The following RYR3 variants were observed in gnomAD, a reference collection of about 807,000 sequenced individuals.
RYR3 encodes ryanodine receptor 3.
In RYR3, 207 loss-of-function variants were observed where a neutral mutation model predicts 584.3. That is an observed-to-expected ratio of 0.35 (90% CI 0.32 to 0.40). RYR3 has a LOEUF of 0.40. Among genes scored for constraint, RYR3 ranks in the 10% least tolerant of loss-of-function variants. The probability of loss-of-function intolerance (pLI) is 1.00; values close to 1 mark genes in which losing one functional copy is unlikely to be tolerated. For missense variants in RYR3, 5,616 were observed against 6,089.2 expected, an observed-to-expected ratio of 0.92 and a Z score of 2.59; for synonymous variants, 2,416 against 2,248.5, an observed-to-expected ratio of 1.07 and a Z score of -2.11.
intron 47 of RYR3, 69 bp downstream of exon 47, chr15:33,729,095 G>A: frequency 7.4e-7 from 1 of 1,351,578 alleles, no homozygotes; most frequent in Non-Finnish European, 1.0e-6. Context: ...GGACTTCGAA[G>A]CAAATATTTT....
intron 3 of RYR3, among the ~76,000 whole-genome samples, chr15:33,522,542 G>A (rs768374525): frequency 7.2e-5 from 11 of 152,176 alleles, no homozygotes; most frequent in Non-Finnish European, 1.0e-4. Flanking sequence ...TCAAAAGAAC[G>A]ATACCTTATG....
intron 38 of RYR3, among the ~76,000 whole-genome samples, chr15:33,671,141 C>T (rs887380428): frequency 2.6e-5 from 4 of 152,074 alleles, no homozygotes; most frequent in East Asian, 3.9e-4. Flanking sequence ...TGACTCCTAC[C>T]GTTTTGACCC....
rs1341551607 is a variant in RYR3 at position 33,631,256 on chromosome 15, G to C, written c.2830G>C (p.Ala944Pro). 2 of 1,591,216 alleles carry C rather than the reference G, an allele frequency of 1.3e-6. No homozygotes were observed. The highest frequency in any genetic ancestry group is 4.5e-5 in the East Asian group (2 of 44,166). Residue 944 changes from alanine to proline, a missense_variant, in exon 23 of 104, where the codon GCT (alanine) becomes CCT (proline). By Grantham distance (27) the Ala-to-Pro change is conservative (BLOSUM62 -1). Around this residue, in one of 9 missense-constraint regions of RYR3, gnomAD observed 1,284 missense variants for 1,344.6 expected, o/e 0.95. Coordinates refer to ENST00000634891, the MANE Select transcript of RYR3 (RefSeq NM_001036.6). ...CCACATTGCTCATGTTAACCCAGCT[G>C]CTGAGGAGGATCTCAAGAAGGTCAA... ...GCHIAHVNPA[A>P]EEDLKKVKLP...
chr15:33,838,425 G>A lies in RYR3; in HGVS notation c.12445G>A (p.Val4149Met). Residue 4149 changes from valine to methionine, a missense_variant, in exon 89 of 104, where the codon GTG (valine) becomes ATG (methionine). Val to Met is a conservative substitution (Grantham distance 21). Around this residue, in one of 9 missense-constraint regions of RYR3, gnomAD observed 918 missense variants for 887.4 expected, o/e 1.03. Transcript: ENST00000634891. Reference sequence around the variant, plus strand: ...TGCATTTGCTATGGCCTGTGCCTCTGTGAAGAGGAATGTCACCGACTTCCT... The same window carrying A: ...TGCATTTGCTATGGCCTGTGCCTCTATGAAGAGGAATGTCACCGACTTCCT... ...ASAFAMACAS[V>M]KRNVTDFLKR... 1.2e-6 allele frequency: 2 copies of A among 1,614,032 alleles called. No individual in the cohort carries two copies. Among genetic ancestry groups the A allele is most frequent in the Non-Finnish European group, 1.7e-6 (2 of 1,179,902 alleles).
intron 43 of RYR3, among the ~76,000 whole-genome samples, chr15:33,709,354 T>G (rs2066936053): frequency 6.6e-6 from 1 of 152,182 alleles, no homozygotes; most frequent in South Asian, 2.1e-4. Flanking sequence ...AGATAAGCTT[T>G]GAAAGGTCAA....
At chr15:33,377,500 T>C (rs2040839943) in intron 1 of RYR3, among the ~76,000 whole-genome samples, 1 of 152,202 alleles carries the variant, frequency 6.6e-6, no homozygotes, top group South Asian at 2.1e-4. Flanking sequence ...CTGGGAAATG[T>C]AGTCTTTGAT....
intron 1 of RYR3, among the ~76,000 whole-genome samples, chr15:33,365,782 G>A (rs971765455): frequency 3.3e-5 from 5 of 152,186 alleles, no homozygotes; most frequent in African/African-American, 9.7e-5. Flanking sequence ...TGGCCTTGGT[G>A]GTGGTGATGG....
intron 34 of RYR3, 34 bp downstream of exon 34, chr15:33,660,457 C>T: frequency 6.9e-7 from 1 of 1,453,584 alleles, no homozygotes; most frequent in South Asian, 1.3e-5. Context: ...AGGGGCAGGC[C>T]TGAGGGGCAG....
At chr15:33,762,057 AC>A (rs1455282257) in intron 60 of RYR3, among the ~76,000 whole-genome samples, 2 of 152,084 alleles carry the variant, frequency 1.3e-5, no homozygotes, top group Non-Finnish European at 2.9e-5. Context: ...AAAATTCAAC[AC>A]CCCTTCATGC....
intron 99 of RYR3, 29 bp from the exon 100 acceptor site, chr15:33,859,546 C>T (rs757264382): frequency 1.9e-6 from 3 of 1,612,740 alleles, no homozygotes; most frequent in South Asian, 2.2e-5. Flanking sequence ...GTGACTTTTG[C>T]CTAAATCCCC....
intron 12 of RYR3, among the ~76,000 whole-genome samples, chr15:33,574,911 C>T (rs984780427): frequency 6.6e-6 from 1 of 151,980 alleles, no homozygotes; most frequent in African/African-American, 2.4e-5. Context: ...CATGCATAAG[C>T]TTGAAATAAA....
intron 3 of RYR3, among the ~76,000 whole-genome samples, chr15:33,522,507 C>G (rs779653056): frequency 7.9e-5 from 12 of 152,108 alleles, no homozygotes; most frequent in Non-Finnish European, 1.6e-4. Flanking sequence ...ATTAATTACC[C>G]CATTATGAGT....
intron 1 of RYR3, among the ~76,000 whole-genome samples, chr15:33,464,493 CATATATATAT>C (rs761907118): frequency 0.14 from 15,162 of 107,276 alleles, 1,594 homozygotes; most frequent in Middle Eastern, 0.18. Context: ...TATATATACA[CATATATATAT>C]ACATACACAT....
intron 67 of RYR3, among the ~76,000 whole-genome samples, chr15:33,793,418 C>T (rs1209344332): frequency 6.6e-6 from 1 of 152,176 alleles, no homozygotes; most frequent in Non-Finnish European, 1.5e-5. Flanking sequence ...TTCCAACCCT[C>T]TTACCATGTG....
intron 3 of RYR3, among the ~76,000 whole-genome samples, chr15:33,522,216 T>C (rs1220156442): frequency 6.6e-6 from 1 of 151,710 alleles, no homozygotes; most frequent in Non-Finnish European, 1.5e-5. Context: ...TGAGCTGGGA[T>C]TGCACCACTG....
chr15:33,764,599 TCTGTCC>T (rs2072841317), intron 60 of RYR3, among the ~76,000 whole-genome samples: 1 of 150,676 alleles, frequency 6.6e-6, no homozygotes, highest in Non-Finnish European at 1.5e-5. Flanking sequence ...AAAATGAGCA[TCTGTCC>T]TGTGACAACA....
Position 33,652,793 on chromosome 15 carries a change from C to T in RYR3, c.4218C>T (p.Asn1406=), listed in dbSNP as rs754248995. Residue 1406 remains asparagine, a synonymous_variant, in exon 32 of 104, where the codon AAC becomes AAT. Transcript: ENST00000634891. The part of the protein sequence containing the change: ...VASSQRSNRS[N]VDLEIGCLVD... Reference sequence around the variant, plus strand: ...GTTCCCAGAGATCAAATCGGAGCAACGTGGACCTGGAGATCGGCTGTCTCG... The same window carrying T: ...GTTCCCAGAGATCAAATCGGAGCAATGTGGACCTGGAGATCGGCTGTCTCG... 6 of 1,613,728 alleles carry T rather than the reference C, an allele frequency of 3.7e-6. No homozygotes were observed. The highest frequency in any genetic ancestry group is 1.3e-5 in the African/African-American group (1 of 74,904).
chr15:33,846,766 C>T (rs1003893484), intron 93 of RYR3, among the ~76,000 whole-genome samples: 2 of 152,184 alleles, frequency 1.3e-5, no homozygotes, highest in African/African-American at 4.8e-5. Context: ...CTTAAACTCC[C>T]AGTCCTCTAT....
chr15:33,595,979 C>T (rs1354541009), intron 16 of RYR3, among the ~76,000 whole-genome samples: 1 of 151,390 alleles, frequency 6.6e-6, no homozygotes, highest in East Asian at 1.9e-4. Context: ...CTGAACATCC[C>T]TCCTTTTTAA....
Sources: allele counts gnomAD v4.1 joint callset (sites outside exome capture counted in the v4.1 genomes callset), GRCh38; gene constraint gnomAD v4.1.1; regional missense constraint gnomAD v4.1.1; transcripts MANE v1.5; gene names NCBI Gene and HGNC (gene_info 2026-07-23, HGNC 2026-07-21).